Variants in SHPRH observed in about 807,000 individuals in gnomAD.
SHPRH encodes the protein E3 ubiquitin-protein ligase SHPRH.
A neutral mutation model predicts 202.5 loss-of-function variants in SHPRH; 106 were observed. The observed-to-expected ratio is 0.52, with a 90% CI of 0.45 to 0.62. The LOEUF is 0.62. SHPRH is among the 20% of genes least tolerant of loss of function. The probability of loss-of-function intolerance (pLI) is 0.00; values close to 1 mark genes in which losing one functional copy is unlikely to be tolerated. For missense variants in SHPRH, 1,710 were observed against 2,020.0 expected (o/e 0.85, Z 2.94); for synonymous variants, 729 against 686.0 (o/e 1.06, Z -0.98).
Position 145,935,125 on chromosome 6 carries a change from G to A in SHPRH, c.2772C>T (p.Leu924=). The A allele has an allele frequency of 2.5e-6, 4 of 1,613,532 alleles. No homozygotes were observed. Among genetic ancestry groups the A allele is most frequent in the Non-Finnish European group, 3.4e-6 (4 of 1,179,930 alleles). The change falls in exon 13 of 30, where the codon CTC becomes CTT. Residue 924 remains leucine, a synonymous_variant. Transcript: ENST00000275233. Reference sequence around the variant, plus strand: ...AATGCCTTTCCACTGGAGAAAAGTGGAGCCAGTGTATTTCTTCGGTTTGTG... The same window carrying A: ...AATGCCTTTCCACTGGAGAAAAGTGAAGCCAGTGTATTTCTTCGGTTTGTG... ...IPPQTEEIHW[L]HFSPVERHFY...
At chr6:145,918,519 T>C (rs967329753) in intron 22 of SHPRH, 4 of 185,174 alleles carry the variant, frequency 2.2e-5, no homozygotes, top group African/African-American at 9.4e-5. Flanking sequence ...TTATGTACCA[T>C]TTTTTTCAGT....
At chr6:145,864,327 A>T (rs907084516) in exon 3 of SHPRH, 1 of 403,200 alleles carries the variant, frequency 2.5e-6, no homozygotes, top group African/African-American at 2.1e-5. Flanking sequence ...ACATCTCTAA[A>T]TTGAAAAAGA....
chr6:145,906,848 T>C (rs1783005966), intron 25 of SHPRH: 1 of 152,184 alleles, frequency 6.6e-6, no homozygotes, highest in Non-Finnish European at 1.5e-5. Context: ...TTAGACAAAT[T>C]AGTCCACATT....
At position 145,943,586 on chromosome 6, in the gene SHPRH, C is replaced by T. The variant is rs1216725786; in HGVS notation, c.1795G>A (p.Gly599Ser). 4 of 1,613,780 alleles carry T rather than the reference C, an allele frequency of 2.5e-6. No individual in the cohort carries two copies. Among genetic ancestry groups the T allele is most frequent in the African/African-American group, 2.7e-5 (2 of 74,882 alleles). ...SQPFINPDSQGHCPATSDSGI... is the reference protein window; with the variant it reads ...SQPFINPDSQSHCPATSDSGI... ...GAGTCGCTAGTAGCTGGACAGTGAC[C>T]TTGTGAATCGGGATTGATAAATGGT... The change falls in exon 9 of 30, where the codon GGT becomes AGT. Residue 599 changes from glycine to serine, a missense_variant. Coordinates refer to ENST00000275233, the MANE Select transcript of SHPRH (RefSeq NM_001042683.3).
intron 25 of SHPRH, among the ~76,000 whole-genome samples, chr6:145,897,203 T>A (rs2265467): frequency 0.48 from 72,322 of 151,340 alleles, 17,737 homozygotes; most frequent in African/African-American, 0.58. Context: ...TAAATGAAAG[T>A]AGAGACATTA....
At chr6:145,874,827 T>G (rs1780229000) in intron 2 of SHPRH, among the ~76,000 whole-genome samples, 1 of 152,228 alleles carries the variant, frequency 6.6e-6, no homozygotes, top group Non-Finnish European at 1.5e-5. Flanking sequence ...TGTCAATGAT[T>G]ATGGTCATCA....
chr6:145,936,207 C>T (rs1786050423), intron 11 of SHPRH, among the ~76,000 whole-genome samples: 2 of 151,284 alleles, frequency 1.3e-5, no homozygotes, highest in South Asian at 4.2e-4. Context: ...TAATGAAAAA[C>T]TGCTTTGGAT....
Position 145,947,610 on chromosome 6 carries a change from C to T in SHPRH, c.1095G>A (p.Gln365=), listed in dbSNP as rs1287177470. ...CATCTGCTAAAATTCCACCAAGCAACTGCGGCCCAGAATTTGGGTACTCAC... is the reference window on the plus strand; with the variant it reads ...CATCTGCTAAAATTCCACCAAGCAATTGCGGCCCAGAATTTGGGTACTCAC... ...IIREYPNSGP[Q]LLGGILADEM... Residue 365 remains glutamine, a synonymous_variant, in exon 6 of 30, where the codon CAG becomes CAA. Transcript: ENST00000275233. 1.2e-6 allele frequency: 2 copies of T among 1,612,732 alleles called. No individual in the cohort carries two copies. The highest frequency in any genetic ancestry group is 1.1e-5 in the South Asian group (1 of 91,024).
At chr6:145,928,533 G>GATAT (rs142273982) in intron 14 of SHPRH, among the ~76,000 whole-genome samples, 1 of 150,078 alleles carries the variant, frequency 6.7e-6, no homozygotes, top group African/African-American at 2.4e-5. Context: ...GTTACAATGA[G>GATAT]ATATATATAT....
chr6:145,923,996 T>A (rs1370562650), intron 17 of SHPRH, among the ~76,000 whole-genome samples: 4 of 151,882 alleles, frequency 2.6e-5, no homozygotes, highest in African/African-American at 9.7e-5. Context: ...CCCTATTTCC[T>A]AACTACTCTG....
At chr6:145,865,518 T>A (rs933386853) in intron 2 of SHPRH, among the ~76,000 whole-genome samples, 1 of 152,264 alleles carries the variant, frequency 6.6e-6, no homozygotes, top group African/African-American at 2.4e-5. Flanking sequence ...TATTTTGTTA[T>A]GGCAGCCTGA....
At position 145,914,708 on chromosome 6, in the gene SHPRH, G is replaced by C. The variant is rs78571499; in HGVS notation, c.4255-1159C>G. On this transcript the variant is annotated intron_variant, in intron 23 of 29. Coordinates refer to ENST00000275233, the MANE Select transcript of SHPRH (RefSeq NM_001042683.3). Reference sequence around the variant, plus strand: ...CAGAGTATTTTCTAATTTCCATTTTGACTTCTTCTTTGACCCATGGGTTAT... The same window carrying C: ...CAGAGTATTTTCTAATTTCCATTTTCACTTCTTCTTTGACCCATGGGTTAT... Among the ~76,000 whole-genome samples, 53 of 152,090 alleles carry C rather than the reference G, an allele frequency of 3.5e-4. No homozygotes were observed. The East Asian group carries it at 0.01, about 29-fold the overall frequency.
intron 17 of SHPRH, 24 bp from the exon 18 acceptor site, chr6:145,923,809 C>T: frequency 6.3e-7 from 1 of 1,599,032 alleles, no homozygotes; most frequent in Non-Finnish European, 8.5e-7. Context: ...AGCAGTTAAT[C>T]AATTAATACA....
At chr6:145,906,872 C>G (rs1783009789) in intron 25 of SHPRH, 1 of 152,170 alleles carries the variant, frequency 6.6e-6, no homozygotes, top group Non-Finnish European at 1.5e-5. Context: ...GTTGATCCAC[C>G]TTCAGCACTA....
chr6:145,922,920 C>G (rs1784546123), intron 18 of SHPRH, 84 bp from the exon 19 acceptor site: 4 of 1,352,268 alleles, frequency 3.0e-6, no homozygotes, highest in Admixed American at 2.8e-5. Context: ...GGTTGCCAAA[C>G]AAAGTGTTAA....
intron 4 of SHPRH, 25 bp from the exon 5 acceptor site, chr6:145,948,375 A>G (rs1255146793): frequency 1.3e-6 from 2 of 1,575,018 alleles, no homozygotes; most frequent in Non-Finnish European, 1.7e-6. Context: ...AATCATAATA[A>G]CAAATTTTTG....
At chr6:145,958,349 T>C (rs1485305187) in intron 1 of SHPRH, among the ~76,000 whole-genome samples, 1 of 152,158 alleles carries the variant, frequency 6.6e-6, no homozygotes. Context: ...ATGCACGAGA[T>C]TTAGAAATTT....
At chr6:145,896,544 T>C (rs1782025407) in intron 25 of SHPRH, among the ~76,000 whole-genome samples, 1 of 152,066 alleles carries the variant, frequency 6.6e-6, no homozygotes, top group Non-Finnish European at 1.5e-5. Context: ...TTTGCTTTTA[T>C]CAAAGACTGG....
chr6:145,867,631 T>TATATATATAGAGAG (rs1554220329), intron 2 of SHPRH, among the ~76,000 whole-genome samples: 14 of 22,312 alleles, frequency 6.3e-4, no homozygotes, highest in African/African-American at 8.7e-4. Context: ...TATATATATA[T>TATATATATAGAGAG]AGAGAGAGAG....
Sources: allele counts gnomAD v4.1 joint callset (sites outside exome capture counted in the v4.1 genomes callset), GRCh38; gene constraint gnomAD v4.1.1; transcripts MANE v1.5; gene names NCBI Gene and HGNC (gene_info 2026-07-23, HGNC 2026-07-21).